The following KCNIP4 variants were observed in gnomAD, a reference collection of about 807,000 sequenced individuals.
KCNIP4 encodes potassium voltage-gated channel interacting protein 4, also known as Kv channel-interacting protein 4.
In KCNIP4, 12 loss-of-function variants were observed where a neutral mutation model predicts 34.0. That is an observed-to-expected ratio of 0.35 (90% CI 0.23 to 0.57). The LOEUF (loss-of-function observed/expected upper bound fraction) is 0.57, where lower values mean the gene tolerates loss of function less well. KCNIP4 is among the 20% of genes least tolerant of loss of function. The probability of loss-of-function intolerance (pLI) is 0.83; values close to 1 mark genes in which losing one functional copy is unlikely to be tolerated. For synonymous variants in KCNIP4, 124 were observed against 102.2 expected, an observed-to-expected ratio of 1.21 and a Z score of -1.29; for missense variants, 238 against 311.7, an observed-to-expected ratio of 0.76 and a Z score of 1.78.
chr4:21,172,053 A>G (rs1049458258), intron 1 of KCNIP4, among the ~76,000 whole-genome samples: 2 of 152,102 alleles, frequency 1.3e-5, no homozygotes, highest in African/African-American at 2.4e-5. Context: ...TTTGAGACAG[A>G]GTCTCACTCT....
At chr4:21,016,191 A>G (rs1461357180) in intron 1 of KCNIP4, among the ~76,000 whole-genome samples, 1 of 151,330 alleles carries the variant, frequency 6.6e-6, no homozygotes, top group African/African-American at 2.4e-5. Flanking sequence ...CTGCCTCCTT[A>G]CAAACTGGAT....
intron 1 of KCNIP4, among the ~76,000 whole-genome samples, chr4:21,276,620 T>C (rs1762458475): frequency 6.6e-6 from 1 of 152,178 alleles, no homozygotes; most frequent in Admixed American, 6.5e-5. Flanking sequence ...GTCTTACCTA[T>C]TTTGTTTCAT....
chr4:21,614,132 G>A (rs1257544740), intron 1 of KCNIP4, among the ~76,000 whole-genome samples: 1 of 143,322 alleles, frequency 7.0e-6, no homozygotes, highest in Admixed American at 7.1e-5. Flanking sequence ...GTGAGAAAGC[G>A]AGACTCTATC....
intron 1 of KCNIP4, among the ~76,000 whole-genome samples, chr4:21,589,194 A>ATG (rs1411665530): frequency 2.1e-5 from 1 of 47,274 alleles, no homozygotes; most frequent in African/African-American, 6.3e-5. Flanking sequence ...ATATATATAT[A>ATG]TATATATGTG....
chr4:21,403,713 A>G (rs34363568), intron 1 of KCNIP4, among the ~76,000 whole-genome samples: 3,657 of 152,266 alleles, frequency 0.024, 183 homozygotes, highest in East Asian at 0.19. Context: ...ACATTTCTAG[A>G]GGCCAGGAAG....
At chr4:21,669,784 C>T (rs546130612) in intron 1 of KCNIP4, among the ~76,000 whole-genome samples, 38 of 152,124 alleles carry the variant, frequency 2.5e-4, no homozygotes, top group Non-Finnish European at 3.7e-4. Flanking sequence ...TATTTGTTTG[C>T]TATGCACGAG....
intron 1 of KCNIP4, among the ~76,000 whole-genome samples, chr4:21,699,041 G>A (rs775454991): frequency 6.6e-6 from 1 of 152,144 alleles, no homozygotes; most frequent in Non-Finnish European, 1.5e-5. Context: ...AATCAGCAAC[G>A]TGCTTTCTGA....
At chr4:20,833,433 C>T (rs895787347) in intron 3 of KCNIP4, among the ~76,000 whole-genome samples, 1 of 151,888 alleles carries the variant, frequency 6.6e-6, no homozygotes. Flanking sequence ...TGCAGTGCGC[C>T]GACATTGTGC....
intron 1 of KCNIP4, among the ~76,000 whole-genome samples, chr4:21,233,519 G>C (rs532227700): frequency 6.6e-6 from 1 of 152,152 alleles, no homozygotes; most frequent in African/African-American, 2.4e-5. Context: ...ATTCAGAAGA[G>C]AGAGAGGCTG....
Position 21,301,371 on chromosome 4 carries a change from A to G in KCNIP4, c.62-418662T>C, listed in dbSNP as rs1711673518. Among the ~76,000 whole-genome samples, 3 of 152,320 alleles carry G rather than the reference A, an allele frequency of 2.0e-5. 1 individual carries two copies. The highest frequency in any genetic ancestry group is 7.2e-5 in the African/African-American group (3 of 41,592). On this transcript the variant is annotated intron_variant, in intron 1 of 8. Transcript: ENST00000382152. Reference sequence around the variant, plus strand: ...ACAAAAAAACTACATTGTGAATACCATGTATACTATAAAACAGTTGTAAGT... The same window carrying G: ...ACAAAAAAACTACATTGTGAATACCGTGTATACTATAAAACAGTTGTAAGT...
chr4:21,678,646 C>T (rs893399477), intron 1 of KCNIP4, among the ~76,000 whole-genome samples: 7 of 152,172 alleles, frequency 4.6e-5, no homozygotes, highest in African/African-American at 1.7e-4. Flanking sequence ...ACACAGCCTG[C>T]CTTGTGACTT....
intron 2 of KCNIP4, 43 bp from the exon 3 acceptor site, chr4:20,850,710 T>C: frequency 6.3e-7 from 1 of 1,599,194 alleles, no homozygotes; most frequent in Non-Finnish European, 8.5e-7. Context: ...CAGCCACTGC[T>C]CACCGATGCT....
intron 1 of KCNIP4, among the ~76,000 whole-genome samples, chr4:20,987,894 G>A (rs889181989): frequency 4.0e-5 from 6 of 150,312 alleles, no homozygotes; most frequent in African/African-American, 1.5e-4. Flanking sequence ...CCAGCTATTC[G>A]GGAGGCTGAG....
At chr4:21,939,950 A>G (rs553243725) in intron 1 of KCNIP4, among the ~76,000 whole-genome samples, 3 of 152,256 alleles carry the variant, frequency 2.0e-5, no homozygotes, top group South Asian at 4.1e-4. Context: ...AAATTCCTAC[A>G]CCAATTTGAA....
At chr4:21,293,295 G>A (rs1396554144) in intron 1 of KCNIP4, among the ~76,000 whole-genome samples, 1 of 152,156 alleles carries the variant, frequency 6.6e-6, no homozygotes, top group Non-Finnish European at 1.5e-5. Flanking sequence ...AGTCAAGTAT[G>A]TTACCCAATG....
intron 1 of KCNIP4, among the ~76,000 whole-genome samples, chr4:21,099,632 A>G (rs1747766790): frequency 1.3e-5 from 2 of 152,226 alleles, no homozygotes. Flanking sequence ...TGAGGGGAAC[A>G]AAAGAAAAAA....
intron 1 of KCNIP4, among the ~76,000 whole-genome samples, chr4:21,455,551 G>C (rs2109756420): frequency 6.6e-6 from 1 of 150,950 alleles, no homozygotes; most frequent in East Asian, 2.0e-4. Context: ...TAAATAGATA[G>C]ATATGTAGTT....
chr4:21,245,618 A>G (rs988874371), intron 1 of KCNIP4, among the ~76,000 whole-genome samples: 1 of 152,184 alleles, frequency 6.6e-6, no homozygotes, highest in Admixed American at 6.5e-5. Context: ...ATAATATTCA[A>G]AACTAACAAT....
At chr4:20,820,389 T>C (rs1716956150) in intron 3 of KCNIP4, among the ~76,000 whole-genome samples, 1 of 152,196 alleles carries the variant, frequency 6.6e-6, no homozygotes, top group Non-Finnish European at 1.5e-5. Flanking sequence ...AAGAAACTGC[T>C]AAGCAAAATA....
Sources: allele counts gnomAD v4.1 joint callset (sites outside exome capture counted in the v4.1 genomes callset), GRCh38; gene constraint gnomAD v4.1.1; transcripts MANE v1.5; gene names NCBI Gene and HGNC (gene_info 2026-07-23, HGNC 2026-07-21).